Variants in RANBP3L observed in about 807,000 individuals in gnomAD.
RANBP3L encodes the protein ran-binding protein 3-like.
Under a neutral mutation model 67.2 loss-of-function variants are expected in RANBP3L, and 56 were observed. That is an observed-to-expected ratio of 0.83 (90% CI 0.67 to 1.04). The LOEUF is 1.04. RANBP3L is among the 50% of genes least tolerant of loss of function. The pLI is 0.00. For missense variants in RANBP3L, 496 were observed against 535.5 expected, an observed-to-expected ratio of 0.93 and a Z score of 0.73; for synonymous variants, 164 against 181.4, an observed-to-expected ratio of 0.90 and a Z score of 0.77.
rs752855561 is a variant in RANBP3L at position 36,248,291 on chromosome 5, A to C, written c.*1363T>G. 9 of 152,176 alleles carry C rather than the reference A, an allele frequency of 5.9e-5. No individual in the cohort carries two copies. The highest frequency in any genetic ancestry group is 9.6e-5 in the African/African-American group (4 of 41,464). The allele number at this position is 152,176 out of a possible 1,614,324, so 9.4% of individuals were successfully genotyped here. A position where few individuals can be genotyped will look rare whatever the true frequency, so the allele number is the denominator to read the frequency against. On this transcript the variant is annotated 3_prime_UTR_variant, in exon 14 of 14. Transcript: ENST00000296604. ...TATTTCTTCTAGAATCACTGGAAGA[A>C]TGAATGGGCCTCTCTTAGTAGTTAT...
Position 36,301,674 on chromosome 5 carries a change from T to G in RANBP3L, c.-258A>C. On this transcript the variant is annotated 5_prime_UTR_variant, in exon 1 of 14. Coordinates refer to ENST00000296604, the MANE Select transcript of RANBP3L (RefSeq NM_145000.5). ...TGGTTAAAAACACAACTTAATTCCT[T>G]CATTTCAAAACAAATTGAAACTAAA... 1 of 390,992 alleles carries G rather than the reference T, an allele frequency of 2.6e-6. No individual in the cohort carries two copies. The highest frequency in any genetic ancestry group is 2.0e-5 in the African/African-American group (1 of 50,342). 24.2% of individuals were successfully genotyped at this position (390,992 alleles called of 1,614,324 possible).
chr5:36,292,442 T>G (rs532364680), intron 1 of RANBP3L, among the ~76,000 whole-genome samples: 1 of 152,300 alleles, frequency 6.6e-6, no homozygotes, highest in African/African-American at 2.4e-5. Flanking sequence ...TTGTTGCCAT[T>G]GCTTTTGGTG....
chr5:36,301,064 G>A (rs1308200054), intron 1 of RANBP3L, among the ~76,000 whole-genome samples: 1 of 152,140 alleles, frequency 6.6e-6, no homozygotes, highest in Admixed American at 6.5e-5. Context: ...TTTTGAATTA[G>A]ACAAAATCTA....
At chr5:36,261,619 TAG>T (rs998963980) in intron 7 of RANBP3L, among the ~76,000 whole-genome samples, 1 of 152,096 alleles carries the variant, frequency 6.6e-6, no homozygotes, top group African/African-American at 2.4e-5. Flanking sequence ...AAAAAAATGC[TAG>T]AGAGAGAGGA....
At chr5:36,273,223 C>G (rs1750346885) in intron 1 of RANBP3L, among the ~76,000 whole-genome samples, 1 of 152,134 alleles carries the variant, frequency 6.6e-6, no homozygotes, top group South Asian at 2.1e-4. Flanking sequence ...GGGCTTAGGA[C>G]AGTCATCCCT....
At chr5:36,256,615 G>A (rs1029559777) in intron 10 of RANBP3L, among the ~76,000 whole-genome samples, 27 of 152,016 alleles carry the variant, frequency 1.8e-4, no homozygotes, top group African/African-American at 5.8e-4. Flanking sequence ...ATTGTTAAAC[G>A]TGTAAGTAGA....
chr5:36,273,689 G>C, intron 1 of RANBP3L, among the ~76,000 whole-genome samples: 1 of 152,098 alleles, frequency 6.6e-6, no homozygotes, highest in East Asian at 1.9e-4. Context: ...GACCCAGTAG[G>C]AGAATCTGAA....
At position 36,265,039 on chromosome 5, in the gene RANBP3L, G is replaced by C; in HGVS notation, c.400C>G (p.Arg134Gly). 6.2e-7 allele frequency: 1 copy of C among 1,613,216 alleles called. No homozygotes were observed. Among genetic ancestry groups the C allele is most frequent in the Non-Finnish European group, 8.5e-7 (1 of 1,179,338 alleles). The change falls in exon 6 of 14, where the codon CGA becomes GGA. Residue 134 changes from arginine to glycine, a missense_variant. By Grantham distance (125) the Arg-to-Gly change is moderately radical. Coordinates refer to ENST00000296604, the MANE Select transcript of RANBP3L (RefSeq NM_145000.5). Reference sequence around the variant, plus strand: ...GTTTTTCTTACTTTTGCACAACTTCGAGCTTGAGGTAGCTGCAAAATAGCA... The same window carrying C: ...GTTTTTCTTACTTTTGCACAACTTCCAGCTTGAGGTAGCTGCAAAATAGCA... ...RPAILQLPQA[R>G]SCAKVRKTFG...
At position 36,249,006 on chromosome 5, in the gene RANBP3L, G is replaced by A. The variant is rs1748429823; in HGVS notation, c.*648C>T. 1 of 152,184 alleles carries A rather than the reference G, an allele frequency of 6.6e-6. No homozygotes were observed. The highest frequency in any genetic ancestry group is 6.5e-5 in the Admixed American group (1 of 15,300). 9.4% of individuals were successfully genotyped at this position (152,184 alleles called of 1,614,324 possible). On this transcript the variant is annotated 3_prime_UTR_variant, in exon 14 of 14. Coordinates refer to ENST00000296604, the MANE Select transcript of RANBP3L (RefSeq NM_145000.5). The stretch of plus-strand genomic sequence containing the variant: ...ACATGCTTTTTGATACATAGGTAAT[G>A]TATTATATTTTATTTATTCATTTAA...
At chr5:36,271,686 T>C (rs971928904) in intron 1 of RANBP3L, among the ~76,000 whole-genome samples, 13 of 152,070 alleles carry the variant, frequency 8.5e-5, no homozygotes, top group African/African-American at 2.9e-4. Context: ...AATCTAGGAG[T>C]AGTACTTCCA....
intron 1 of RANBP3L, among the ~76,000 whole-genome samples, chr5:36,294,770 T>C (rs1752070523): frequency 6.7e-6 from 1 of 149,718 alleles, no homozygotes. Flanking sequence ...TGTGTATATA[T>C]ATAGTGTGTA....
At chr5:36,284,607 C>T (rs552140172) in intron 1 of RANBP3L, among the ~76,000 whole-genome samples, 1 of 152,186 alleles carries the variant, frequency 6.6e-6, no homozygotes, top group East Asian at 1.9e-4. Context: ...TGTCAAAAAC[C>T]CAAACTGCTC....
chr5:36,257,120 T>A, intron 9 of RANBP3L, 49 bp from the exon 10 acceptor site: 1 of 1,538,808 alleles, frequency 6.5e-7, no homozygotes, highest in Non-Finnish European at 8.8e-7. Flanking sequence ...TTTTCTCTAC[T>A]GTGAAAGTTC....
chr5:36,278,357 G>A (rs943908625), intron 1 of RANBP3L, among the ~76,000 whole-genome samples: 1 of 152,066 alleles, frequency 6.6e-6, no homozygotes, highest in Non-Finnish European at 1.5e-5. Context: ...TGGACCAGCA[G>A]CATTGACAGG....
intron 4 of RANBP3L, chr5:36,268,172 G>A (rs1313055449): frequency 2.7e-6 from 4 of 1,472,290 alleles, no homozygotes; most frequent in Admixed American, 4.7e-5. Flanking sequence ...CAGGCTTGAG[G>A]TTCTAGAAAC....
At chr5:36,266,546 A>G (rs965021982) in intron 4 of RANBP3L, among the ~76,000 whole-genome samples, 3 of 152,208 alleles carry the variant, frequency 2.0e-5, no homozygotes, top group African/African-American at 4.8e-5. Flanking sequence ...ACAAAAAAAG[A>G]GCCATATTTT....
At chr5:36,274,583 A>G (rs975727782) in intron 1 of RANBP3L, among the ~76,000 whole-genome samples, 5 of 152,182 alleles carry the variant, frequency 3.3e-5, no homozygotes, top group African/African-American at 1.2e-4. Context: ...ACAGTGGACA[A>G]GGGTTACAAA....
intron 1 of RANBP3L, among the ~76,000 whole-genome samples, chr5:36,278,402 C>T (rs1750748334): frequency 6.6e-6 from 1 of 152,012 alleles, no homozygotes; most frequent in Admixed American, 6.6e-5. Flanking sequence ...CAGTCTCCAC[C>T]CCCGACCTAC....
Position 36,255,530 on chromosome 5 carries a change from C to T in RANBP3L, c.964G>A (p.Gly322Arg). 1 of 1,611,862 alleles carries T rather than the reference C, an allele frequency of 6.2e-7. No individual in the cohort carries two copies. Among genetic ancestry groups the T allele is most frequent in the South Asian group, 1.1e-5 (1 of 91,004 alleles). ...TTQSWIERGR[G>R]TLRLNDTAST... is the part of the protein sequence containing the mutation. ...GCTGTGTCATTCAGTCTCAACGTTC[C>T]TCTGCCCCTTTCAATCCAGGATTGT... The change falls in exon 11 of 14, where the codon GGA (glycine) becomes AGA (arginine). Residue 322 changes from glycine to arginine, a missense_variant. Physicochemically the swap from Gly to Arg is moderately radical, Grantham distance 125. Coordinates refer to ENST00000296604, the MANE Select transcript of RANBP3L (RefSeq NM_145000.5).
Sources: gnomAD v4.1 joint callset for allele counts (sites outside exome capture counted in the v4.1 genomes callset) on GRCh38, gnomAD v4.1.1 for gene constraint, MANE v1.5 for transcripts, NCBI Gene and HGNC (gene_info 2026-07-23, HGNC 2026-07-21) for gene names.